The following RIC8B variants were observed in gnomAD, a reference collection of about 807,000 sequenced individuals.
RIC8B encodes RIC8 guanine nucleotide exchange factor B, also known as chaperone Ric-8B.
RIC8B carries 16 observed loss-of-function variants against 57.5 expected under a neutral mutation model. That is an observed-to-expected ratio of 0.28 (90% confidence interval 0.19 to 0.42). The LOEUF is 0.42. Ranked by LOEUF, RIC8B falls within the 10% of genes least tolerant of loss-of-function variation. RIC8B has a pLI of 1.00. For missense variants in RIC8B, 481 were observed against 677.0 expected (o/e 0.71, Z 3.21); for synonymous variants, 216 against 250.8 (o/e 0.86, Z 1.31).
At chr12:106,799,062 A>G (rs1307465893) in intron 2 of RIC8B, among the ~76,000 whole-genome samples, 1 of 152,206 alleles carries the variant, frequency 6.6e-6, no homozygotes, top group African/African-American at 2.4e-5. Flanking sequence ...ACATTTTCAG[A>G]TACGTTCCTG....
Position 106,870,872 on chromosome 12 carries a change from G to A in RIC8B, c.1501G>A (p.Asp501Asn). 1 of 1,546,682 alleles carries A rather than the reference G, an allele frequency of 6.5e-7. No individual in the cohort carries two copies. The highest frequency in any genetic ancestry group is 2.0e-5 in the Admixed American group (1 of 50,832). ...HLEEPMPNPI[D>N]EMTEEQKEYE... ...AGAGGAACCAATGCCAAACCCCATA[G>A]ATGAAATGACAGAAGAACAAAAAGA... Residue 501 changes from aspartate to asparagine, a missense_variant, in exon 9 of 10, where the codon GAT becomes AAT. Physicochemically the swap from Asp to Asn is conservative, Grantham distance 23. Around this residue, in one of 3 missense-constraint regions of RIC8B, gnomAD observed 43 missense variants for 99.8 expected, o/e 0.43. Coordinates refer to ENST00000392837, the MANE Select transcript of RIC8B (RefSeq NM_001330145.2).
At chr12:106,866,256 T>TTTG (rs1294716797) in intron 8 of RIC8B, among the ~76,000 whole-genome samples, 2 of 152,144 alleles carry the variant, frequency 1.3e-5, no homozygotes, top group Non-Finnish European at 2.9e-5. Flanking sequence ...TCAGTAAATT[T>TTTG]TTGTTGAATG....
rs1427803796 is a variant in RIC8B, at chr12:106,843,902, A to G, written c.1116A>G (p.Glu372=). 6.2e-7 allele frequency: 1 copy of G among 1,613,950 alleles called. No individual in the cohort carries two copies. The highest frequency in any genetic ancestry group is 8.5e-7 in the Non-Finnish European group (1 of 1,179,960). The change falls in exon 6 of 10, where the codon GAA becomes GAG. Residue 372 remains glutamate, a synonymous_variant. Coordinates refer to ENST00000392837, the MANE Select transcript of RIC8B (RefSeq NM_001330145.2). ...CTCCAGTTCTCAGCTTATTAACCGA[A>G]TGTTCCCGAGCCCATCGAAACATCC... ...GLTPVLSLLT[E]CSRAHRNIRK...
At chr12:106,833,464 G>A (rs1277857602) in intron 4 of RIC8B, among the ~76,000 whole-genome samples, 1 of 152,114 alleles carries the variant, frequency 6.6e-6, no homozygotes, top group Non-Finnish European at 1.5e-5. Context: ...AGCAAGGCAT[G>A]ATGACGCATG....
intron 4 of RIC8B, among the ~76,000 whole-genome samples, chr12:106,829,436 C>T (rs535229402): frequency 6.6e-6 from 1 of 152,214 alleles, no homozygotes; most frequent in Non-Finnish European, 1.5e-5. Flanking sequence ...CTCTCAATCT[C>T]GTTTTCTTTT....
intron 2 of RIC8B, among the ~76,000 whole-genome samples, chr12:106,798,354 T>A (rs1465175347): frequency 6.6e-6 from 1 of 151,924 alleles, no homozygotes; most frequent in Non-Finnish European, 1.5e-5. Context: ...CCTCTATTTG[T>A]AGATAAAAAA....
intron 2 of RIC8B, among the ~76,000 whole-genome samples, chr12:106,794,237 C>A (rs896312971): frequency 4.6e-5 from 7 of 151,750 alleles, no homozygotes; most frequent in Admixed American, 4.6e-4. Flanking sequence ...AACCTGAAGA[C>A]ACAGCAATAG....
intron 1 of RIC8B, among the ~76,000 whole-genome samples, chr12:106,777,649 A>T (rs1192280002): frequency 6.6e-6 from 1 of 152,160 alleles, no homozygotes; most frequent in Non-Finnish European, 1.5e-5. Context: ...GGGATTTGAC[A>T]TCAGATAAAC....
intron 2 of RIC8B, among the ~76,000 whole-genome samples, chr12:106,800,415 A>T (rs1417246434): frequency 6.6e-6 from 1 of 152,138 alleles, no homozygotes; most frequent in Non-Finnish European, 1.5e-5. Context: ...ACGAGAACTC[A>T]GGACAGTACC....
chr12:106,802,394 T>C (rs1001833430), intron 2 of RIC8B, among the ~76,000 whole-genome samples: 1 of 152,114 alleles, frequency 6.6e-6, no homozygotes, highest in Non-Finnish European at 1.5e-5. Context: ...TGAGTATAAT[T>C]CAAGCATGTG....
At chr12:106,870,380 C>T (rs112149582) in intron 8 of RIC8B, among the ~76,000 whole-genome samples, 13 of 152,044 alleles carry the variant, frequency 8.6e-5, no homozygotes, top group Non-Finnish European at 1.8e-4. Flanking sequence ...CTTTCATTTC[C>T]AGATTGTAGC....
At chr12:106,868,428 G>A (rs1950230332) in intron 8 of RIC8B, 1 of 441,634 alleles carries the variant, frequency 2.3e-6, no homozygotes, top group Non-Finnish European at 4.5e-6. Flanking sequence ...GAAGTGGTAT[G>A]TATCTATAAT....
chr12:106,820,473 T>G (rs2045789713), intron 3 of RIC8B, among the ~76,000 whole-genome samples: 1 of 152,222 alleles, frequency 6.6e-6, no homozygotes, highest in Non-Finnish European at 1.5e-5. Context: ...GAAATGGTCT[T>G]GTCTTCCTCC....
chr12:106,870,829 T>C lies in RIC8B; in HGVS notation c.1458T>C (p.Asn486=), dbSNP rs543719569. 55 of 1,523,754 alleles carry C rather than the reference T, an allele frequency of 3.6e-5. No individual in the cohort carries two copies. The Admixed American group carries it at 1.1e-3, about 31-fold the overall frequency. 94.4% of individuals were successfully genotyped at this position (1,523,754 alleles called of 1,614,324 possible). A position where few individuals can be genotyped will look rare whatever the true frequency, so the allele number is the denominator to read the frequency against. The change falls in exon 9 of 10, where the codon AAT becomes AAC. Residue 486 remains asparagine (N), a synonymous_variant. Transcript: ENST00000392837. ...CTTTTTTTTCTTTTTGTAGCATTAA[T>C]CTTATCACTGGTCATTTAGAGGAAC... The part of the protein sequence containing the change: ...EEYKNAKPNI[N]LITGHLEEPM...
intron 4 of RIC8B, 27 bp downstream of exon 4, chr12:106,825,847 A>G (rs374404059): frequency 9.5e-5 from 135 of 1,414,296 alleles, no homozygotes; most frequent in Non-Finnish European, 1.3e-4. Flanking sequence ...TTGATATCCC[A>G]ATGAAGGACA....
chr12:106,803,340 CT>C (rs1054829175), intron 2 of RIC8B, among the ~76,000 whole-genome samples: 1 of 149,698 alleles, frequency 6.7e-6, no homozygotes, highest in African/African-American at 2.5e-5. Flanking sequence ...TTTATAGAAT[CT>C]TTTGTACTGC....
intron 2 of RIC8B, among the ~76,000 whole-genome samples, chr12:106,794,128 A>G (rs2044373648): frequency 6.6e-6 from 1 of 152,236 alleles, no homozygotes; most frequent in Non-Finnish European, 1.5e-5. Flanking sequence ...AAAAGAGCCC[A>G]ATAGACATTC....
At position 106,790,171 on chromosome 12, in the gene RIC8B, A is replaced by C. The variant is rs145452668; in HGVS notation, c.132+6127A>C. ...CCACTAGTTAGTGGTTCAGCCTCAC[A>C]TAGACAGCAGATTATCTATTATGTG... On this transcript the variant is annotated intron_variant, in intron 2 of 9. Transcript: ENST00000392837. 4.3e-4 allele frequency among the ~76,000 whole-genome samples: 65 copies of C among 152,330 alleles called. No individual in the cohort carries two copies. In the East Asian group the frequency reaches 0.012, roughly 29 times the overall value.
chr12:106,846,731 A>AAAAC (rs1949206836), intron 6 of RIC8B, among the ~76,000 whole-genome samples: 3 of 151,984 alleles, frequency 2.0e-5, no homozygotes, highest in Non-Finnish European at 4.4e-5. Context: ...GCCAAAAAAA[A>AAAAC]AAAAAAAACC....
Sources: allele counts gnomAD v4.1 joint callset (sites outside exome capture counted in the v4.1 genomes callset), GRCh38; gene constraint gnomAD v4.1.1; regional missense constraint gnomAD v4.1.1; transcripts MANE v1.5; gene names NCBI Gene and HGNC (gene_info 2026-07-23, HGNC 2026-07-21).